The following DNAL1 variants were observed in gnomAD, a reference collection of about 807,000 sequenced individuals.
DNAL1 encodes dynein axonemal light chain 1.
In DNAL1, 17 loss-of-function variants were observed where a neutral mutation model predicts 29.4. The observed-to-expected ratio is 0.58, with a 90% CI of 0.40 to 0.87. The LOEUF is 0.87. DNAL1 is among the 40% of genes least tolerant of loss of function. The pLI, the probability that DNAL1 is intolerant of heterozygous loss-of-function variation, is 0.00. For synonymous variants in DNAL1, 78 were observed against 76.3 expected (o/e 1.02, Z -0.12); for missense variants, 188 against 214.1 (o/e 0.88, Z 0.76).
At chr14:73,668,762 C>T (rs58572885) in intron 4 of DNAL1, among the ~76,000 whole-genome samples, 2,486 of 152,222 alleles carry the variant, frequency 0.016, 53 homozygotes, top group African/African-American at 0.054. Context: ...CTGCAACCTC[C>T]GCCTCCCAGG....
At chr14:73,692,745 T>C (rs1892204839) in intron 7 of DNAL1, among the ~76,000 whole-genome samples, 1 of 152,092 alleles carries the variant, frequency 6.6e-6, no homozygotes, top group Admixed American at 6.6e-5. Flanking sequence ...TAGTCTATTC[T>C]AAACCAGTGG....
intron 4 of DNAL1, among the ~76,000 whole-genome samples, chr14:73,669,874 A>C (rs1030539857): frequency 1.1e-4 from 17 of 152,202 alleles, no homozygotes; most frequent in African/African-American, 4.1e-4. Context: ...TTTTGTGTGA[A>C]TTAGACCACT....
chr14:73,675,029 T>A (rs1426275839), intron 5 of DNAL1, among the ~76,000 whole-genome samples: 1 of 151,636 alleles, frequency 6.6e-6, no homozygotes, highest in Non-Finnish European at 1.5e-5. Flanking sequence ...TTGCCCAGGC[T>A]GGTCTTGAAC....
Position 73,695,999 on chromosome 14 carries a change from A to C in DNAL1, c.*57A>C, listed in dbSNP as rs2140067479. The C allele has an allele frequency of 7.0e-7, 1 of 1,431,644 alleles. No individual in the cohort carries two copies. Among genetic ancestry groups the C allele is most frequent in the East Asian group, 2.5e-5 (1 of 39,890 alleles). The allele number at this position is 1,431,644 out of a possible 1,614,324, so 88.7% of individuals were successfully genotyped here. Reference sequence around the variant, plus strand: ...TAAATGTCATAAGAACAATAGATAAATTTTATATAATTGTCTATTTTAAAG... The same window carrying C: ...TAAATGTCATAAGAACAATAGATAACTTTTATATAATTGTCTATTTTAAAG... On this transcript the variant is annotated 3_prime_UTR_variant, in exon 8 of 8. Coordinates refer to ENST00000553645, the MANE Select transcript of DNAL1 (RefSeq NM_031427.4).
intron 4 of DNAL1, among the ~76,000 whole-genome samples, chr14:73,668,235 T>C (rs1422079911): frequency 6.8e-6 from 1 of 147,268 alleles, no homozygotes; most frequent in Admixed American, 7.1e-5. Flanking sequence ...TACTTACTTA[T>C]TTTGTTTATC....
intron 5 of DNAL1, among the ~76,000 whole-genome samples, chr14:73,680,687 C>T (rs1891854304): frequency 6.6e-6 from 1 of 152,158 alleles, no homozygotes; most frequent in South Asian, 2.1e-4. Context: ...TTTTGAAATA[C>T]AGTCATGCAT....
intron 1 of DNAL1, among the ~76,000 whole-genome samples, chr14:73,646,133 A>C (rs1170012318): frequency 6.6e-6 from 1 of 152,180 alleles, no homozygotes; most frequent in African/African-American, 2.4e-5. Context: ...ACTGCCAAGG[A>C]AAGTTAAAAG....
At chr14:73,645,163 C>G in intron 1 of DNAL1, 121 bp downstream of exon 1, 3 of 1,524,890 alleles carry the variant, frequency 2.0e-6, no homozygotes, top group Non-Finnish European at 2.7e-6. Flanking sequence ...GTAGCTGACG[C>G]TAGCTCTGTG....
At chr14:73,671,461 T>C (rs1891613012) in intron 4 of DNAL1, 81 bp from the exon 5 acceptor site, 6 of 1,286,924 alleles carry the variant, frequency 4.7e-6, no homozygotes, top group East Asian at 3.0e-5. Context: ...ATAAAACTTA[T>C]TAAAGCTTTA....
intron 1 of DNAL1, among the ~76,000 whole-genome samples, chr14:73,645,838 C>T (rs1456605908): frequency 6.6e-6 from 1 of 152,218 alleles, no homozygotes. Flanking sequence ...TGCTTACATA[C>T]TTGGTAGTTC....
At position 73,647,376 on chromosome 14, in the gene DNAL1, AAAAAAG is replaced by A. The variant is rs970884497; in HGVS notation, c.3+2356_3+2361del. On this transcript the variant is annotated intron_variant, in intron 1 of 7. Transcript: ENST00000553645. ...CAAGACTCTGTCTCAAAAAAAAAAA[AAAAAAG>A]AAAAAGAAAAAGAAAAAGAAATATG... Among the ~76,000 whole-genome samples, 1,022 of 109,842 alleles carry A rather than the reference AAAAAAG, an allele frequency of 9.3e-3. 14 individuals are homozygous for A. Among genetic ancestry groups the A allele is most frequent in the African/African-American group, 0.029 (950 of 32,958 alleles). The allele number at this position is 109,842 out of a possible 152,430, so 72.1% of individuals were successfully genotyped here.
At chr14:73,687,514 A>G (rs1892048184) in intron 6 of DNAL1, 129 bp downstream of exon 6, 1 of 1,094,896 alleles carries the variant, frequency 9.1e-7, no homozygotes, top group Non-Finnish European at 1.2e-6. Context: ...TTTATGGCTA[A>G]GCTCAGAGAG....
rs2140072560 is a variant in DNAL1 at position 73,701,429 on chromosome 14, T to A, written c.*5487T>A. 1 of 152,380 alleles carries A rather than the reference T, an allele frequency of 6.6e-6. No homozygotes were observed. Among genetic ancestry groups the A allele is most frequent in the South Asian group, 2.1e-4 (1 of 4,830 alleles). 9.4% of individuals were successfully genotyped at this position (152,380 alleles called of 1,614,324 possible). A position where few individuals can be genotyped will look rare whatever the true frequency, so the allele number is the denominator to read the frequency against. On this transcript the variant is annotated 3_prime_UTR_variant, in exon 8 of 8. Transcript: ENST00000553645. ...AGTCAGGATTTCCCTTTTTCCCTAC[T>A]TGAGTCGTCTTCCATGTCTGTTACA... is the stretch of plus-strand genomic sequence containing the variant.
chr14:73,658,836 T>G lies in DNAL1; in HGVS notation c.43-11T>G, dbSNP rs1480529280. The G allele has an allele frequency of 1.3e-6, 2 of 1,593,404 alleles. No homozygotes were observed. Among genetic ancestry groups the G allele is most frequent in the Non-Finnish European group, 1.7e-6 (2 of 1,168,624 alleles). ...CATGGGTTATTTCTTCCAAATGTAT[T>G]TTTCTCATAGGAAGAGAAAACTGGC... On this transcript the variant is annotated splice_polypyrimidine_tract_variant and intron_variant, in intron 2 of 7. Transcript: ENST00000553645.
rs201506734 is a variant in DNAL1, at chr14:73,671,616, T to C, written c.264+19T>C. ...TGGACTGGTAGGTTGTTATTTATTA[T>C]TATTTTATTTATTTAATTTGCACAC... On this transcript the variant is annotated intron_variant, in intron 5 of 7. Transcript: ENST00000553645. 2.1e-6 allele frequency: 3 copies of C among 1,414,372 alleles called. No homozygotes were observed. The East Asian group carries it at 8.3e-5, about 39-fold the overall frequency. 87.6% of individuals were successfully genotyped at this position (1,414,372 alleles called of 1,614,324 possible).
At chr14:73,650,086 T>C (rs1891079765) in intron 1 of DNAL1, among the ~76,000 whole-genome samples, 1 of 152,100 alleles carries the variant, frequency 6.6e-6, no homozygotes, top group African/African-American at 2.4e-5. Flanking sequence ...TGGGCTCAAA[T>C]AGTCCCCCTG....
At chr14:73,683,064 CAG>C (rs1199220700) in intron 5 of DNAL1, among the ~76,000 whole-genome samples, 2 of 151,776 alleles carry the variant, frequency 1.3e-5, no homozygotes, top group Admixed American at 6.6e-5. Flanking sequence ...TTAGTAGAGA[CAG>C]GGTTTCTCCA....
At chr14:73,655,319 A>G (rs1179057296) in intron 2 of DNAL1, among the ~76,000 whole-genome samples, 2 of 151,560 alleles carry the variant, frequency 1.3e-5, no homozygotes, top group Non-Finnish European at 2.9e-5. Flanking sequence ...TTTCTGTGTT[A>G]GTACATTTTC....
intron 1 of DNAL1, among the ~76,000 whole-genome samples, chr14:73,646,368 A>G (rs1890977010): frequency 6.6e-6 from 1 of 152,314 alleles, no homozygotes; most frequent in South Asian, 2.1e-4. Context: ...GGTGTAGGCT[A>G]TTGCTCCTAG....
Sources: allele counts gnomAD v4.1 joint callset (sites outside exome capture counted in the v4.1 genomes callset), GRCh38; gene constraint gnomAD v4.1.1; transcripts MANE v1.5; gene names NCBI Gene and HGNC (gene_info 2026-07-23, HGNC 2026-07-21).